SMYD1: variants seen among roughly 807,000 people sequenced by gnomAD.
SMYD1 encodes histone-lysine N-methyltransferase SMYD1.
SMYD1 carries 49 observed loss-of-function variants against 54.0 expected under a neutral mutation model. The observed-to-expected ratio is 0.91, with a 90% CI of 0.72 to 1.15. SMYD1 has a LOEUF of 1.15. Among genes scored for constraint, SMYD1 ranks in the 50% most tolerant of loss-of-function variants. The probability of loss-of-function intolerance (pLI) is 0.00; values close to 1 mark genes in which losing one functional copy is unlikely to be tolerated. For synonymous variants in SMYD1, 269 were observed against 234.2 expected (o/e 1.15, Z -1.36); for missense variants, 653 against 639.6 (o/e 1.02, Z -0.23).
At chr2:88,088,539 C>A (rs1209651606) in intron 3 of SMYD1, among the ~76,000 whole-genome samples, 1 of 152,208 alleles carries the variant, frequency 6.6e-6, no homozygotes. Flanking sequence ...GCCTTGTTTA[C>A]TGTGAGGCCA....
chr2:88,094,766 T>C (rs1168109269), intron 5 of SMYD1, among the ~76,000 whole-genome samples: 1 of 152,162 alleles, frequency 6.6e-6, no homozygotes, highest in Non-Finnish European at 1.5e-5. Flanking sequence ...TGGCCACTGA[T>C]TCACTGTTGC....
chr2:88,085,027 A>C (rs1179125794), intron 2 of SMYD1, among the ~76,000 whole-genome samples: 5 of 152,052 alleles, frequency 3.3e-5, no homozygotes, highest in African/African-American at 1.2e-4. Context: ...TGGGATTACA[A>C]CTGTGAGCCA....
chr2:88,070,942 CAAAAAAA>C (rs61024525), intron 1 of SMYD1, among the ~76,000 whole-genome samples: 3 of 60,128 alleles, frequency 5.0e-5, no homozygotes, highest in African/African-American at 1.2e-4. Context: ...GACTATTTCT[CAAAAAAA>C]AAAAAAAAAA....
intron 1 of SMYD1, among the ~76,000 whole-genome samples, chr2:88,069,403 G>A (rs10176485): frequency 0.086 from 13,039 of 152,202 alleles, 1,607 homozygotes; most frequent in African/African-American, 0.27. Context: ...GACTTTTTCA[G>A]GGGGAGCTTG....
At chr2:88,086,226 T>G (rs1475978164) in intron 2 of SMYD1, among the ~76,000 whole-genome samples, 1 of 152,224 alleles carries the variant, frequency 6.6e-6, no homozygotes, top group Non-Finnish European at 1.5e-5. Context: ...CTCTTTGTAT[T>G]GTTTTCCAAC....
At chr2:88,101,262 G>T (rs181389115) in intron 6 of SMYD1, among the ~76,000 whole-genome samples, 11 of 152,218 alleles carry the variant, frequency 7.2e-5, no homozygotes, top group Admixed American at 5.9e-4. Flanking sequence ...ACCGCAAATC[G>T]AAAGGAAGCT....
intron 1 of SMYD1, among the ~76,000 whole-genome samples, chr2:88,072,811 A>G (rs1268290323): frequency 1.3e-5 from 2 of 152,240 alleles, no homozygotes; most frequent in Non-Finnish European, 2.9e-5. Flanking sequence ...GTTGTGAACA[A>G]CTTTCAAACC....
intron 4 of SMYD1, among the ~76,000 whole-genome samples, chr2:88,091,845 C>T (rs1161710068): frequency 2.6e-5 from 4 of 152,154 alleles, no homozygotes; most frequent in Non-Finnish European, 4.4e-5. Flanking sequence ...GCTTGGGTGA[C>T]AAAGTGAGAC....
chr2:88,108,501 A>T lies in SMYD1; in HGVS notation c.1276A>T (p.Thr426Ser). 6.2e-7 allele frequency: 1 copy of T among 1,608,230 alleles called. No homozygotes were observed. The highest frequency in any genetic ancestry group is 8.5e-7 in the Non-Finnish European group (1 of 1,177,486). ...CAAAGCCTATGCCATTCTCCTGGTGACACACGGACCCTCCCACCCCATCAC... is the reference window on the plus strand; with the variant it reads ...CAAAGCCTATGCCATTCTCCTGGTGTCACACGGACCCTCCCACCCCATCAC... ...ICKAYAILLV[T>S]HGPSHPITKD... The change falls in exon 9 of 10, where the codon ACA becomes TCA. Residue 426 changes from threonine to serine, a missense_variant. Physicochemically the swap from Thr to Ser is moderately conservative, Grantham distance 58. Transcript: ENST00000419482.
chr2:88,096,207 GT>G (rs964230109), intron 5 of SMYD1, among the ~76,000 whole-genome samples: 1 of 152,120 alleles, frequency 6.6e-6, no homozygotes, highest in African/African-American at 2.4e-5. Context: ...ATATTTTTAG[GT>G]TTTTTCTTGT....
At chr2:88,093,465 C>A in intron 4 of SMYD1, 52 bp from the exon 5 acceptor site, 1 of 1,607,962 alleles carries the variant, frequency 6.2e-7, no homozygotes, top group South Asian at 1.1e-5. Context: ...TGGATCACAC[C>A]TGATCAGCCA....
chr2:88,087,749 A>G, intron 2 of SMYD1, 113 bp from the exon 3 acceptor site: 2 of 933,774 alleles, frequency 2.1e-6, no homozygotes, highest in Non-Finnish European at 3.2e-6. Context: ...CATCTAGTTT[A>G]AAAACGTATC....
At chr2:88,096,531 A>G in intron 5 of SMYD1, 64 bp from the exon 6 acceptor site, 1 of 1,422,626 alleles carries the variant, frequency 7.0e-7, no homozygotes. Context: ...GAAGCCTTGG[A>G]GAGCACGGAT....
chr2:88,106,617 G>T, intron 8 of SMYD1, 129 bp downstream of exon 8: 1 of 973,116 alleles, frequency 1.0e-6, no homozygotes, highest in Non-Finnish European at 1.5e-6. Context: ...ATCCATCATG[G>T]TTCTCTTTTT....
intron 1 of SMYD1, among the ~76,000 whole-genome samples, chr2:88,071,945 G>A (rs1673956108): frequency 6.6e-6 from 1 of 151,620 alleles, no homozygotes; most frequent in Non-Finnish European, 1.5e-5. Context: ...TCGCAATGCT[G>A]GGTTTTGTTG....
At chr2:88,074,842 C>G (rs1674024590) in intron 1 of SMYD1, among the ~76,000 whole-genome samples, 1 of 152,080 alleles carries the variant, frequency 6.6e-6, no homozygotes, top group Non-Finnish European at 1.5e-5. Flanking sequence ...GAAAATGGAA[C>G]CAGTTATGAG....
intron 4 of SMYD1, among the ~76,000 whole-genome samples, chr2:88,091,346 A>G (rs1674458303): frequency 6.6e-6 from 1 of 152,228 alleles, no homozygotes; most frequent in African/African-American, 2.4e-5. Flanking sequence ...AACCTGGGTC[A>G]TTTCTGAATG....
chr2:88,110,703 C>A lies in SMYD1; in HGVS notation c.*191C>A. On this transcript the variant is annotated 3_prime_UTR_variant, in exon 10 of 10. Transcript: ENST00000419482. ...CAAGTCTATTCAATTCAAGTTAACT[C>A]TAGCCCAGCCCAGATCAACTCCTCC... 1.7e-6 allele frequency: 1 copy of A among 603,952 alleles called. No homozygotes were observed. Among genetic ancestry groups the A allele is most frequent in the Non-Finnish European group, 2.7e-6 (1 of 372,258 alleles). 37.4% of individuals were successfully genotyped at this position (603,952 alleles called of 1,614,324 possible).
At chr2:88,081,481 G>A (rs1674191063) in intron 1 of SMYD1, among the ~76,000 whole-genome samples, 1 of 150,048 alleles carries the variant, frequency 6.7e-6, no homozygotes, top group Non-Finnish European at 1.5e-5. Flanking sequence ...CTGTCACCCA[G>A]GCTGGATTGC....
Sources: allele counts gnomAD v4.1 joint callset (sites outside exome capture counted in the v4.1 genomes callset), GRCh38; gene constraint gnomAD v4.1.1; transcripts MANE v1.5; gene names NCBI Gene and HGNC (gene_info 2026-07-23, HGNC 2026-07-21).